Variants in MYT1 observed in about 807,000 individuals in gnomAD.
MYT1 encodes myelin transcription factor 1.
Under a neutral mutation model 123.0 loss-of-function variants are expected in MYT1, and 23 were observed. That is an observed-to-expected ratio of 0.19 (90% CI 0.13 to 0.26). The LOEUF (loss-of-function observed/expected upper bound fraction) is 0.26, where lower values mean the gene tolerates loss of function less well. Ranked by LOEUF, MYT1 falls within the 10% of genes least tolerant of loss-of-function variation. MYT1 has a pLI of 1.00. For synonymous variants in MYT1, 518 were observed against 575.3 expected (o/e 0.90, Z 1.43); for missense variants, 1,125 against 1,472.5 (o/e 0.76, Z 3.86).
chr20:64,208,839 G>A lies in MYT1; in HGVS notation c.1291+352G>A, dbSNP rs1297606432. On this transcript the variant is annotated intron_variant, in intron 7 of 22. Coordinates refer to ENST00000328439, the MANE Select transcript of MYT1 (RefSeq NM_004535.3). This position sits in a 1 kb window ranked among gnomAD's most constrained non-coding sequence, Gnocchi z 5.4. ...GTCCCTTCCACCCCAACTCACACTC[G>A]TGGCAGGGATTGTGCTATGACAGAA... Among the ~76,000 whole-genome samples, 4 of 152,298 alleles carry A rather than the reference G, an allele frequency of 2.6e-5. No individual in the cohort carries two copies. Among genetic ancestry groups the A allele is most frequent in the Admixed American group, 1.3e-4 (2 of 15,296 alleles).
intron 12 of MYT1, 32 bp downstream of exon 12, chr20:64,219,067 G>C: frequency 4.4e-6 from 7 of 1,584,084 alleles, no homozygotes; most frequent in Non-Finnish European, 5.2e-6. Context: ...CCTTTCTTGG[G>C]AGAGGTGAGT....
Position 64,232,442 on chromosome 20 carries a change from G to T in MYT1, c.2897+57G>T. On this transcript the variant is annotated intron_variant, in intron 19 of 22. Transcript: ENST00000328439. The surrounding 1 kb of genome is among the most constrained non-coding windows in gnomAD (Gnocchi z 6.9). ...GCAGTCAGTAGGGACCCTCGCCTGG[G>T]GCCTGGGGCTGAAGCTCCTGAGGGA... The T allele has an allele frequency of 6.4e-7, 1 of 1,558,868 alleles. No individual in the cohort carries two copies. Among genetic ancestry groups the T allele is most frequent in the South Asian group, 1.1e-5 (1 of 89,414 alleles).
Position 64,207,811 on chromosome 20 carries a change from T to G in MYT1, c.615T>G (p.Ala205=), listed in dbSNP as rs1390870250. ...TGCTTCAGGAGGCTGCAGAGGGAGC[T>G]GCCAGCGAGGAGGGTGAAAAGGGCC... The part of the protein sequence containing the change: ...VHLLQEAAEG[A]ASEEGEKGLF... Residue 205 remains alanine, a synonymous_variant, in exon 7 of 23, where the codon GCT becomes GCG. Coordinates refer to ENST00000328439, the MANE Select transcript of MYT1 (RefSeq NM_004535.3). 1 of 1,613,496 alleles carries G rather than the reference T, an allele frequency of 6.2e-7. No individual in the cohort carries two copies. The highest frequency in any genetic ancestry group is 8.5e-7 in the Non-Finnish European group (1 of 1,179,898).
chr20:64,226,238 A>C (rs759740136), intron 16 of MYT1, among the ~76,000 whole-genome samples: 6 of 152,224 alleles, frequency 3.9e-5, no homozygotes, highest in Non-Finnish European at 8.8e-5. Flanking sequence ...GCTCCCCAGG[A>C]GGGCACCCCA....
At chr20:64,198,721 G>A in intron 2 of MYT1, 141 bp from the exon 3 acceptor site, 1 of 825,264 alleles carries the variant, frequency 1.2e-6, no homozygotes, top group Non-Finnish European at 2.0e-6. Flanking sequence ...TGTCCTGTGA[G>A]CCCATCCTTG....
rs562772435 is a variant in MYT1 at position 64,232,733 on chromosome 20, G to A, written c.2897+348G>A. On this transcript the variant is annotated intron_variant, in intron 19 of 22. Coordinates refer to ENST00000328439, the MANE Select transcript of MYT1 (RefSeq NM_004535.3). The surrounding 1 kb of genome is among the most constrained non-coding windows in gnomAD (Gnocchi z 6.9). ...CTCTTAACAGGCTGACAACTTCTCA[G>A]GAAAAGTTTGTCTCCTACACCTTAT... Among the ~76,000 whole-genome samples, 26 of 152,184 alleles carry A rather than the reference G, an allele frequency of 1.7e-4. No individual in the cohort carries two copies. The highest frequency in any genetic ancestry group is 3.5e-4 in the Non-Finnish European group (24 of 67,974).
rs749891023 is a variant in MYT1 at position 64,205,616 on chromosome 20, G to A, written c.213G>A (p.Val71=). 21 of 1,614,196 alleles carry A rather than the reference G, an allele frequency of 1.3e-5. No individual in the cohort carries two copies. The highest frequency in any genetic ancestry group is 1.6e-4 in the Middle Eastern group (1 of 6,062). Residue 71 remains valine, a synonymous_variant, in exon 6 of 23, where the codon GTG becomes GTA. Transcript: ENST00000328439. ...KLEGAEAEHL[V]SKRKSHPLKL... The stretch of plus-strand genomic sequence containing the variant: ...AGGGCGCTGAGGCTGAGCACCTGGT[G>A]TCCAAGAGGAAGTCACACCCCCTGA...
At chr20:64,230,235 G>C (rs907703099) in intron 18 of MYT1, among the ~76,000 whole-genome samples, 1 of 152,226 alleles carries the variant, frequency 6.6e-6, no homozygotes, top group Non-Finnish European at 1.5e-5. Context: ...GATTTGGGCC[G>C]GGCACTGTGG....
intron 21 of MYT1, among the ~76,000 whole-genome samples, chr20:64,237,871 C>T (rs185644085): frequency 3.4e-4 from 51 of 152,214 alleles, no homozygotes; most frequent in African/African-American, 1.2e-3. Context: ...AGGGACCTGA[C>T]AAACCTTTCA....
At position 64,208,395 on chromosome 20, in the gene MYT1, G is replaced by T; in HGVS notation, c.1199G>T (p.Cys400Phe). The T allele has an allele frequency of 6.2e-7, 1 of 1,613,426 alleles. No homozygotes were observed. The highest frequency in any genetic ancestry group is 8.5e-7 in the Non-Finnish European group (1 of 1,179,992). ...EQVRTVCEPG[C>F]PPAEQSQLGL... The stretch of plus-strand genomic sequence containing the variant: ...GTGCGCACAGTCTGCGAGCCGGGCT[G>T]CCCGCCTGCCGAGCAGAGCCAGCTG... Residue 400 changes from cysteine to phenylalanine, a missense_variant, in exon 7 of 23, where the codon TGC (cysteine) becomes TTC (phenylalanine). Around this residue, in one of 4 missense-constraint regions of MYT1, gnomAD observed 429 missense variants for 604.1 expected, o/e 0.71. Coordinates refer to ENST00000328439, the MANE Select transcript of MYT1 (RefSeq NM_004535.3). The surrounding 1 kb of genome is among the most constrained non-coding windows in gnomAD (Gnocchi z 5.4).
At chr20:64,220,069 A>C in intron 13 of MYT1, 87 bp downstream of exon 13, 5 of 1,403,428 alleles carry the variant, frequency 3.6e-6, no homozygotes, top group Non-Finnish European at 3.7e-6. Context: ...TTTTCAAGGA[A>C]GCTTCTCCTC....
intron 1 of MYT1, among the ~76,000 whole-genome samples, chr20:64,170,900 GAGA>G (rs1982252267): frequency 9.2e-6 from 1 of 108,500 alleles, no homozygotes; most frequent in Non-Finnish European, 1.9e-5. Context: ...GAGAGAGAGA[GAGA>G]GAGAGAGAGA....
In MYT1 at chr20:64,240,625, G is replaced by T. The variant is rs552897537; in HGVS notation, c.*177G>T. 1 of 794,080 alleles carries T rather than the reference G, an allele frequency of 1.3e-6. No homozygotes were observed. The highest frequency in any genetic ancestry group is 2.8e-5 in the East Asian group (1 of 35,988). The allele number at this position is 794,080 out of a possible 1,614,324, so 49.2% of individuals were successfully genotyped here. A position where few individuals can be genotyped will look rare whatever the true frequency, so the allele number is the denominator to read the frequency against. ...GGCCGCTCCCACGAGGCTCCCTCCA[G>T]GCTTGGGGCCGTGGTGGCCCTATCT... On this transcript the variant is annotated 3_prime_UTR_variant, in exon 23 of 23. Transcript: ENST00000328439.
At position 64,218,814 on chromosome 20, in the gene MYT1, T is replaced by G. The variant is rs1427017265; in HGVS notation, c.1847-97T>G. On this transcript the variant is annotated intron_variant, in intron 11 of 22. Transcript: ENST00000328439. The surrounding 1 kb of genome is among the most constrained non-coding windows in gnomAD (Gnocchi z 4.0). ...TTCAAGTTGTATATCAGCCTGGTGT[T>G]GTTCCCTTTTTGCAGCCAAACCTTT... The G allele has an allele frequency of 1.3e-6, 2 of 1,538,422 alleles. No individual in the cohort carries two copies. The highest frequency in any genetic ancestry group is 1.8e-6 in the Non-Finnish European group (2 of 1,120,402).
Position 64,166,395 on chromosome 20 carries a change from G to A in MYT1, c.-99+1656G>A, listed in dbSNP as rs185905141. ...CCCCCGACCCCCTGGGCACCTGGAC[G>A]TTTGCCGAACTTCCCAGGGGTACTT... On this transcript the variant is annotated intron_variant, in intron 1 of 22. Coordinates refer to ENST00000328439, the MANE Select transcript of MYT1 (RefSeq NM_004535.3). The surrounding 1 kb of genome is among the most constrained non-coding windows in gnomAD (Gnocchi z 4.9). 2.8e-4 allele frequency among the ~76,000 whole-genome samples: 43 copies of A among 152,290 alleles called. No homozygotes were observed. The highest frequency in any genetic ancestry group is 8.4e-4 in the African/African-American group (35 of 41,562).
In MYT1 at chr20:64,240,681, G is replaced by T; in HGVS notation, c.*233G>T. The T allele has an allele frequency of 2.1e-6, 1 of 465,472 alleles. No individual in the cohort carries two copies. The highest frequency in any genetic ancestry group is 3.7e-6 in the Non-Finnish European group (1 of 269,418). The allele number at this position is 465,472 out of a possible 1,614,324, so 28.8% of individuals were successfully genotyped here. A position where few individuals can be genotyped will look rare whatever the true frequency, so the allele number is the denominator to read the frequency against. Reference sequence around the variant, plus strand: ...CATAGGGGCACTGAAGAATTACAAAGTGATTTATTTTTGTTTTCTGAAAGA... The same window carrying T: ...CATAGGGGCACTGAAGAATTACAAATTGATTTATTTTTGTTTTCTGAAAGA... On this transcript the variant is annotated 3_prime_UTR_variant, in exon 23 of 23. Transcript: ENST00000328439.
At chr20:64,170,884 T>TATATATATAGAGAG (rs1569303821) in intron 1 of MYT1, among the ~76,000 whole-genome samples, 2 of 20,010 alleles carry the variant, frequency 1.0e-4, no homozygotes, top group Non-Finnish European at 1.6e-4. Flanking sequence ...TATATATATA[T>TATATATATAGAGAG]AGAGAGAGAG....
chr20:64,219,853 C>T lies in MYT1; in HGVS notation c.2112C>T (p.His704=), dbSNP rs1983949764. The change falls in exon 13 of 23, where the codon CAC becomes CAT. Residue 704 remains histidine, a synonymous_variant. Transcript: ENST00000328439. ...GVKSPDASQR[H]SSTSAPSSSM... ...AGTCTCCCGACGCCTCCCAGCGCCA[C>T]AGCAGCACCAGCGCCCCCAGCAGCT... 6.2e-7 allele frequency: 1 copy of T among 1,604,688 alleles called. No individual in the cohort carries two copies. The highest frequency in any genetic ancestry group is 8.5e-7 in the Non-Finnish European group (1 of 1,175,586).
At chr20:64,169,902 G>T (rs1982198086) in intron 1 of MYT1, among the ~76,000 whole-genome samples, 1 of 152,140 alleles carries the variant, frequency 6.6e-6, no homozygotes, top group African/African-American at 2.4e-5. Flanking sequence ...TAGCTTCCCA[G>T]GTGAGTGGTG....
Sources: allele counts gnomAD v4.1 joint callset (sites outside exome capture counted in the v4.1 genomes callset), GRCh38; gene constraint gnomAD v4.1.1; regional missense constraint gnomAD v4.1.1; non-coding constraint Gnocchi (gnomAD v3.1); transcripts MANE v1.5; gene names NCBI Gene and HGNC (gene_info 2026-07-23, HGNC 2026-07-21).